COL4A3: variants seen among roughly 807,000 people sequenced by gnomAD.
COL4A3 encodes collagen type IV alpha 3 chain, also known as collagen alpha-3(IV) chain.
Under a neutral mutation model 217.4 loss-of-function variants are expected in COL4A3, and 135 were observed. That is an observed-to-expected ratio of 0.62 (90% CI 0.54 to 0.72). The LOEUF is 0.72. Ranked by LOEUF, COL4A3 falls within the 30% of genes least tolerant of loss-of-function variation. COL4A3 has a pLI of 0.00. For synonymous variants in COL4A3, 690 were observed against 736.3 expected (o/e 0.94, Z 1.02); for missense variants, 1,868 against 2,119.9 (o/e 0.88, Z 2.33).
At chr2:227,188,064 A>G (rs1221288994) in intron 1 of COL4A3, among the ~76,000 whole-genome samples, 1 of 152,102 alleles carries the variant, frequency 6.6e-6, no homozygotes, top group African/African-American at 2.4e-5. Flanking sequence ...CTAGAAGAAC[A>G]ACATCCCCGA....
intron 5 of COL4A3, 67 bp downstream of exon 5, chr2:227,245,062 AAC>A: frequency 6.7e-7 from 1 of 1,490,216 alleles, no homozygotes; most frequent in Non-Finnish European, 9.4e-7. Flanking sequence ...AAGATGTTAA[AAC>A]AGTCGTGCAA....
chr2:227,271,589 C>T (rs2071248636), intron 25 of COL4A3, among the ~76,000 whole-genome samples: 1 of 151,428 alleles, frequency 6.6e-6, no homozygotes, highest in South Asian at 2.1e-4. Context: ...TCTCCCACCT[C>T]AGCCTCCTGA....
In COL4A3 at chr2:227,251,164, C is replaced by G. The variant is rs1356975221; in HGVS notation, c.571C>G (p.Pro191Ala). 6.2e-7 allele frequency: 1 copy of G among 1,613,864 alleles called. No homozygotes were observed. Among genetic ancestry groups the G allele is most frequent in the African/African-American group, 1.3e-5 (1 of 75,054 alleles). ...GGGTTTGCCAGGCCCTCCAGGTTTT[C>G]CTGGGCCTGTTGGCCCACCTGGTCC... ...PQGLPGPPGF[P>A]GPVGPPGPPG... The change falls in exon 10 of 52, where the codon CCT becomes GCT. Residue 191 changes from proline (P) to alanine (A), a missense_variant. Transcript: ENST00000396578.
At chr2:227,171,277 C>T (rs558951585) in intron 1 of COL4A3, among the ~76,000 whole-genome samples, 2 of 152,134 alleles carry the variant, frequency 1.3e-5, no homozygotes, top group African/African-American at 4.8e-5. Flanking sequence ...ATTCCAAGTG[C>T]TGTATTTTGG....
At chr2:227,217,854 T>C (rs2067583925) in intron 1 of COL4A3, among the ~76,000 whole-genome samples, 3 of 152,046 alleles carry the variant, frequency 2.0e-5, no homozygotes, top group Admixed American at 6.6e-5. Context: ...TTTGGAGGCC[T>C]TACAGTTAAA....
intron 1 of COL4A3, among the ~76,000 whole-genome samples, chr2:227,226,814 A>G (rs192628078): frequency 6.6e-6 from 1 of 152,328 alleles, no homozygotes; most frequent in East Asian, 1.9e-4. Context: ...CATAGAAAAA[A>G]TATAATGAAG....
intron 1 of COL4A3, among the ~76,000 whole-genome samples, chr2:227,216,176 T>TAA (rs2067521189): frequency 6.6e-6 from 1 of 152,188 alleles, no homozygotes; most frequent in African/African-American, 2.4e-5. Flanking sequence ...TGAATGTACT[T>TAA]AACACCAATG....
At chr2:227,215,354 T>C (rs1411966896) in intron 1 of COL4A3, among the ~76,000 whole-genome samples, 1 of 152,212 alleles carries the variant, frequency 6.6e-6, no homozygotes. Context: ...AAAAATATCA[T>C]ATAAATCTGT....
intron 1 of COL4A3, among the ~76,000 whole-genome samples, chr2:227,211,384 T>C (rs190549450): frequency 4.6e-5 from 7 of 152,266 alleles, no homozygotes; most frequent in African/African-American, 7.2e-5. Flanking sequence ...CATTCTACCA[T>C]TGGGGCATGC....
At chr2:227,296,781 C>A (rs945953326) in intron 41 of COL4A3, among the ~76,000 whole-genome samples, 2 of 152,128 alleles carry the variant, frequency 1.3e-5, no homozygotes, top group African/African-American at 4.8e-5. Flanking sequence ...CGTCAATATT[C>A]ATCAATTTTA....
chr2:227,243,148 T>C (rs1010875202), intron 3 of COL4A3, among the ~76,000 whole-genome samples: 1 of 152,224 alleles, frequency 6.6e-6, no homozygotes, highest in Non-Finnish European at 1.5e-5. Flanking sequence ...ATGCTGAAAT[T>C]CATTAAAATA....
intron 3 of COL4A3, 61 bp downstream of exon 3, chr2:227,240,293 C>T: frequency 2.7e-6 from 4 of 1,468,098 alleles, no homozygotes; most frequent in Non-Finnish European, 3.7e-6. Flanking sequence ...CTGCCTACCC[C>T]CTGGCTGCTG....
chr2:227,304,415 T>C, intron 46 of COL4A3: 1 of 428,478 alleles, frequency 2.3e-6, no homozygotes, highest in Non-Finnish European at 4.3e-6. Flanking sequence ...AAGGTAAAGG[T>C]ATGTCTATCT....
intron 38 of COL4A3, chr2:227,294,250 T>C (rs1186032345): frequency 1.9e-6 from 1 of 514,138 alleles, no homozygotes; most frequent in Non-Finnish European, 3.5e-6. Context: ...TAAAATCGCA[T>C]ATTGAGTGGT....
intron 1 of COL4A3, among the ~76,000 whole-genome samples, chr2:227,189,996 G>A (rs1286622797): frequency 6.6e-6 from 1 of 152,104 alleles, no homozygotes; most frequent in Non-Finnish European, 1.5e-5. Flanking sequence ...CTTTGGAGTT[G>A]CATGCTCTAA....
chr2:227,283,205 T>C lies in COL4A3; in HGVS notation c.2657-562T>C, dbSNP rs1202240381. Among the ~76,000 whole-genome samples, 172 of 152,316 alleles carry C rather than the reference T, an allele frequency of 1.1e-3. 1 individual carries two copies. Among genetic ancestry groups the C allele is most frequent in the Non-Finnish European group, 1.3e-4 (9 of 68,036 alleles). ...ATTTCATGGCTATGTTTATTGTTTATATGTTTGGGGAGAATATTCTGTTCC... is the reference window on the plus strand; with the variant it reads ...ATTTCATGGCTATGTTTATTGTTTACATGTTTGGGGAGAATATTCTGTTCC... On this transcript the variant is annotated intron_variant, in intron 32 of 51. Transcript: ENST00000396578.
At chr2:227,241,286 T>G (rs886398979) in intron 3 of COL4A3, among the ~76,000 whole-genome samples, 4 of 152,226 alleles carry the variant, frequency 2.6e-5, no homozygotes, top group Admixed American at 2.0e-4. Context: ...CCCTGACTAC[T>G]GACCTCCAGC....
At chr2:227,289,102 C>T (rs763942690) in intron 34 of COL4A3, 48 bp from the exon 35 acceptor site, 67 of 1,465,770 alleles carry the variant, frequency 4.6e-5, no homozygotes, top group Non-Finnish European at 6.2e-5. Context: ...AGGCACCTGC[C>T]ACCACACCTG....
At chr2:227,279,570 A>G in intron 28 of COL4A3, 1 of 536,658 alleles carries the variant, frequency 1.9e-6, no homozygotes, top group Non-Finnish European at 3.3e-6. Context: ...AATCAAAATC[A>G]TGGCCCTACT....
Sources: allele counts gnomAD v4.1 joint callset (sites outside exome capture counted in the v4.1 genomes callset), GRCh38; gene constraint gnomAD v4.1.1; transcripts MANE v1.5; gene names NCBI Gene and HGNC (gene_info 2026-07-23, HGNC 2026-07-21).